Variants in TERF2 observed in about 807,000 individuals in gnomAD.
The protein encoded by TERF2 is telomeric repeat-binding factor 2.
TERF2 carries 16 observed loss-of-function variants against 56.1 expected under a neutral mutation model. That is an observed-to-expected ratio of 0.29 (90% CI 0.19 to 0.43). The LOEUF is 0.43. Ranked by LOEUF, TERF2 falls within the 20% of genes least tolerant of loss-of-function variation. The pLI is 1.00. For missense variants in TERF2, 547 were observed against 712.9 expected (o/e 0.77, Z 2.65); for synonymous variants, 296 against 282.1 (o/e 1.05, Z -0.50).
intron 9 of TERF2, 55 bp downstream of exon 9, chr16:69,357,463 T>C: frequency 6.6e-7 from 1 of 1,516,174 alleles, no homozygotes; most frequent in East Asian, 2.3e-5. Flanking sequence ...AGGGCGCGTA[T>C]TTTACCTCTG....
chr16:69,381,120 A>C (rs539478464), intron 3 of TERF2, among the ~76,000 whole-genome samples: 184 of 152,302 alleles, frequency 1.2e-3, no homozygotes, highest in Admixed American at 3.7e-3. Context: ...AATATTTTTT[A>C]AATGTCAGTT....
intron 7 of TERF2, 125 bp downstream of exon 7, chr16:69,366,682 A>C: frequency 7.8e-7 from 1 of 1,281,048 alleles, no homozygotes; most frequent in Non-Finnish European, 1.0e-6. Flanking sequence ...GTCAAGTTCT[A>C]GCAGTCTGAG....
Position 69,366,851 on chromosome 16 carries a change from C to T in TERF2, c.1296G>A (p.Lys432=), listed in dbSNP as rs944605517. The change falls in exon 7 of 10, where the codon AAG becomes AAA. Residue 432 remains lysine (K), a synonymous_variant. Transcript: ENST00000254942. ...GGAGGGGTTGGTTGAGAACGGTGGG[C>T]TTGGATGGTGGCGCTGAAGCGGCCT... ...SQEAASAPPS[K]PTVLNQPLPG... 6.2e-7 allele frequency: 1 copy of T among 1,613,984 alleles called. No individual in the cohort carries two copies. The highest frequency in any genetic ancestry group is 1.3e-5 in the African/African-American group (1 of 74,942).
chr16:69,377,981 T>C (rs2013856482), intron 3 of TERF2, among the ~76,000 whole-genome samples: 1 of 152,240 alleles, frequency 6.6e-6, no homozygotes, highest in Admixed American at 6.5e-5. Flanking sequence ...CGGTATGATG[T>C]TGAATACAAG....
intron 4 of TERF2, among the ~76,000 whole-genome samples, chr16:69,371,658 T>C (rs1206641020): frequency 6.6e-6 from 1 of 151,712 alleles, no homozygotes; most frequent in Non-Finnish European, 1.5e-5. Context: ...CTACAAAAAA[T>C]TTAAAAATTA....
chr16:69,377,567 C>A (rs1171842716), intron 3 of TERF2, among the ~76,000 whole-genome samples: 5 of 152,140 alleles, frequency 3.3e-5, no homozygotes. Context: ...ACCTCATAAT[C>A]CGCCTGCCTC....
chr16:69,374,747 C>A (rs994250284), intron 3 of TERF2, among the ~76,000 whole-genome samples: 10 of 141,402 alleles, frequency 7.1e-5, no homozygotes, highest in African/African-American at 2.6e-4. Flanking sequence ...GTGGGCAGAT[C>A]ATGAGGTCAG....
At chr16:69,361,056 G>T (rs930566608) in intron 8 of TERF2, among the ~76,000 whole-genome samples, 4 of 151,608 alleles carry the variant, frequency 2.6e-5, no homozygotes, top group Non-Finnish European at 5.9e-5. Context: ...AACAAAGTGA[G>T]ACCCCATCTC....
At chr16:69,357,440 A>G in intron 9 of TERF2, 78 bp downstream of exon 9, 2 of 1,249,552 alleles carry the variant, frequency 1.6e-6, no homozygotes, top group East Asian at 4.6e-5. Context: ...TAACCAGTCT[A>G]TACCTGTGAG....
At chr16:69,360,595 A>C (rs1433877187) in intron 8 of TERF2, among the ~76,000 whole-genome samples, 1 of 150,984 alleles carries the variant, frequency 6.6e-6, no homozygotes, top group East Asian at 2.0e-4. Context: ...GTAGTCCCCG[A>C]TACTCCAGAG....
At chr16:69,357,461 T>C in intron 9 of TERF2, 57 bp downstream of exon 9, 1 of 1,481,062 alleles carries the variant, frequency 6.8e-7, no homozygotes, top group Non-Finnish European at 9.4e-7. Flanking sequence ...ACAGGGCGCG[T>C]ATTTTACCTC....
At chr16:69,370,829 T>C (rs1052678198) in intron 4 of TERF2, among the ~76,000 whole-genome samples, 200 bp from the exon 5 acceptor site, 5 of 152,110 alleles carry the variant, frequency 3.3e-5, no homozygotes, top group African/African-American at 1.2e-4. Flanking sequence ...TATGCAGCTA[T>C]AAAAAACAGA....
At chr16:69,378,417 G>A (rs1409708209) in intron 3 of TERF2, among the ~76,000 whole-genome samples, 2 of 152,212 alleles carry the variant, frequency 1.3e-5, no homozygotes, top group Non-Finnish European at 2.9e-5. Context: ...GGCAGCTGCT[G>A]CCACCAGGAT....
chr16:69,373,576 TATTCCCACACTTTG>T (rs1258288163), intron 3 of TERF2, among the ~76,000 whole-genome samples: 3 of 152,132 alleles, frequency 2.0e-5, no homozygotes, highest in Non-Finnish European at 4.4e-5. Flanking sequence ...TGTACAACTG[TATTCCCACACTTTG>T]AGAGGCCAAG....
intron 5 of TERF2, 53 bp downstream of exon 5, chr16:69,370,430 C>T: frequency 6.3e-7 from 1 of 1,584,806 alleles, no homozygotes; most frequent in East Asian, 2.2e-5. Flanking sequence ...ATTCTGATTC[C>T]CCGCACATCC....
chr16:69,370,994 T>TACACACACAC (rs113222809), intron 4 of TERF2, among the ~76,000 whole-genome samples: 250 of 147,766 alleles, frequency 1.7e-3, no homozygotes, highest in Middle Eastern at 6.8e-3. Context: ...TGGATGTCTG[T>TACACACACAC]ACACACACAC....
chr16:69,371,325 C>G (rs868642145), intron 4 of TERF2, among the ~76,000 whole-genome samples: 1 of 151,308 alleles, frequency 6.6e-6, no homozygotes, highest in Middle Eastern at 3.4e-3. Context: ...ATGTTAAAAC[C>G]CCGTCTCTAC....
intron 3 of TERF2, among the ~76,000 whole-genome samples, chr16:69,374,860 G>C (rs1281439667): frequency 1.3e-5 from 2 of 150,938 alleles, no homozygotes; most frequent in Non-Finnish European, 3.0e-5. Context: ...AGGTGCTTGG[G>C]AGGCTAAGGC....
intron 3 of TERF2, among the ~76,000 whole-genome samples, chr16:69,373,215 C>T (rs2013642932): frequency 6.6e-6 from 1 of 152,036 alleles, no homozygotes. Flanking sequence ...ACCTAGGGAA[C>T]TACTGAAGCC....
Sources: allele counts gnomAD v4.1 joint callset (sites outside exome capture counted in the v4.1 genomes callset), GRCh38; gene constraint gnomAD v4.1.1; transcripts MANE v1.5; gene names NCBI Gene and HGNC (gene_info 2026-07-23, HGNC 2026-07-21).